Variants in CTNNA2 observed in about 807,000 individuals in gnomAD.
CTNNA2 encodes catenin alpha 2.
CTNNA2 carries 42 observed loss-of-function variants against 101.0 expected under a neutral mutation model. The ratio of observed to expected loss-of-function variants is 0.42; its 90% confidence interval spans 0.32 to 0.54. CTNNA2 has a LOEUF of 0.54. Among genes scored for constraint, CTNNA2 ranks in the 20% least tolerant of loss-of-function variants. The pLI, the probability that CTNNA2 is intolerant of heterozygous loss-of-function variation, is 0.14. For synonymous variants in CTNNA2, 450 were observed against 456.4 expected, an observed-to-expected ratio of 0.99 and a Z score of 0.18; for missense variants, 871 against 1,223.1, an observed-to-expected ratio of 0.71 and a Z score of 4.29.
chr2:79,290,160 A>G (rs891136377), intron 2 of CTNNA2, among the ~76,000 whole-genome samples: 9 of 152,142 alleles, frequency 5.9e-5, no homozygotes, highest in Admixed American at 3.9e-4. Flanking sequence ...CTGAACATAG[A>G]GTCTTTTAAG....
chr2:80,356,083 C>T (rs1303289116), intron 7 of CTNNA2, among the ~76,000 whole-genome samples: 1 of 152,038 alleles, frequency 6.6e-6, no homozygotes, highest in Non-Finnish European at 1.5e-5. Context: ...TTTTGTTTCA[C>T]TTTGTTTCTT....
At chr2:80,465,330 T>C (rs1194589639) in intron 9 of CTNNA2, among the ~76,000 whole-genome samples, 2 of 152,246 alleles carry the variant, frequency 1.3e-5, no homozygotes, top group Non-Finnish European at 2.9e-5. Context: ...TTATGAATTA[T>C]ATTTATTCCA....
intron 18 of CTNNA2, among the ~76,000 whole-genome samples, chr2:80,635,756 T>A (rs1409692361): frequency 6.6e-6 from 1 of 151,592 alleles, no homozygotes; most frequent in Non-Finnish European, 1.5e-5. Flanking sequence ...CTCTCATCAA[T>A]TGCTAGTGTT....
intron 17 of CTNNA2, among the ~76,000 whole-genome samples, chr2:80,613,351 C>A (rs1025733308): frequency 4.0e-5 from 6 of 151,302 alleles, no homozygotes; most frequent in South Asian, 2.1e-4. Context: ...ACATTCATTC[C>A]CCCAGAGTGT....
chr2:79,658,340 G>C (rs1055553691), intron 2 of CTNNA2, among the ~76,000 whole-genome samples: 11 of 151,884 alleles, frequency 7.2e-5, no homozygotes, highest in African/African-American at 2.7e-4. Flanking sequence ...GAAAGGACAA[G>C]TGAGATGGTT....
chr2:80,528,150 G>A (rs959510133), intron 9 of CTNNA2, among the ~76,000 whole-genome samples: 1 of 152,130 alleles, frequency 6.6e-6, no homozygotes, highest in South Asian at 2.1e-4. Flanking sequence ...GAGTTTGTTT[G>A]GAATAGATCA....
intron 15 of CTNNA2, among the ~76,000 whole-genome samples, chr2:80,600,950 C>G (rs1697442135): frequency 6.6e-6 from 1 of 152,122 alleles, no homozygotes; most frequent in Non-Finnish European, 1.5e-5. Flanking sequence ...GTCCCAATAC[C>G]TTTATTCTCG....
At chr2:79,851,033 C>T (rs756434683) in intron 3 of CTNNA2, among the ~76,000 whole-genome samples, 1 of 152,224 alleles carries the variant, frequency 6.6e-6, no homozygotes, top group Non-Finnish European at 1.5e-5. Flanking sequence ...CAGAGGCCCT[C>T]AGCCACATCA....
intron 15 of CTNNA2, 141 bp downstream of exon 15, chr2:80,589,626 C>G: frequency 1.4e-6 from 1 of 726,438 alleles, no homozygotes; most frequent in Non-Finnish European, 2.2e-6. Context: ...ATGTATAAGT[C>G]AAAATGATCT....
intron 7 of CTNNA2, among the ~76,000 whole-genome samples, chr2:79,950,414 C>T (rs1688799808): frequency 6.6e-6 from 1 of 152,158 alleles, no homozygotes; most frequent in Non-Finnish European, 1.5e-5. Flanking sequence ...ACTTAAAATC[C>T]AATCAGGCCA....
At chr2:79,325,993 C>A (rs1434172) in intron 3 of CTNNA2, among the ~76,000 whole-genome samples, 54,473 of 151,976 alleles carry the variant, frequency 0.36, 10,311 homozygotes, top group African/African-American at 0.49. Flanking sequence ...TCAGTGTATG[C>A]CTAGAGGTGG....
At chr2:79,343,117 T>C (rs1318769716) in intron 3 of CTNNA2, among the ~76,000 whole-genome samples, 1 of 152,214 alleles carries the variant, frequency 6.6e-6, no homozygotes, top group African/African-American at 2.4e-5. Context: ...TTGATGTTTT[T>C]AAAATACCAT....
intron 1 of CTNNA2, chr2:79,633,716 T>A (rs2104373986): frequency 6.6e-6 from 1 of 152,386 alleles, no homozygotes; most frequent in African/African-American, 2.4e-5. Flanking sequence ...AGGAAGCGTT[T>A]CATTCCACCT....
At chr2:79,936,541 C>T (rs1475685942) in intron 7 of CTNNA2, among the ~76,000 whole-genome samples, 6 of 91,068 alleles carry the variant, frequency 6.6e-5, no homozygotes, top group Admixed American at 1.1e-4. Flanking sequence ...AAACTCCAAG[C>T]GTCCTTTTTT....
At chr2:80,471,187 G>A (rs1261005765) in intron 9 of CTNNA2, among the ~76,000 whole-genome samples, 1 of 152,172 alleles carries the variant, frequency 6.6e-6, no homozygotes, top group Non-Finnish European at 1.5e-5. Context: ...AGAAATCTTT[G>A]GAAGAACGGA....
intron 4 of CTNNA2, among the ~76,000 whole-genome samples, chr2:79,428,132 A>G (rs1276306980): frequency 1.3e-5 from 2 of 151,940 alleles, no homozygotes; most frequent in Non-Finnish European, 2.9e-5. Context: ...TCAAAACACC[A>G]AGGACCATTT....
chr2:80,148,975 TAAA>T (rs895494953), intron 7 of CTNNA2, among the ~76,000 whole-genome samples: 120 of 151,186 alleles, frequency 7.9e-4, no homozygotes, highest in African/African-American at 2.6e-3. Flanking sequence ...TTTACCAAAT[TAAA>T]AAAACAAAAC....
In CTNNA2 at chr2:79,298,595, A is replaced by G. The variant is rs551333119; in HGVS notation, c.-405-14114A>G. Among the ~76,000 whole-genome samples, 169 of 152,154 alleles carry G rather than the reference A, an allele frequency of 1.1e-3. 1 individual carries two copies. Among genetic ancestry groups the G allele is most frequent in the African/African-American group, 3.9e-3 (161 of 41,524 alleles). On this transcript the variant is annotated intron_variant, in intron 2 of 21. Coordinates refer to the CTNNA2 transcript ENST00000466387. ...CTGCTCTTCTTTAATTAAATTCCCA[A>G]TTCCACATTCCTTAAGTTCTTTCCT...
At chr2:79,488,331 A>C (rs1386783482) in intron 4 of CTNNA2, among the ~76,000 whole-genome samples, 1 of 67,752 alleles carries the variant, frequency 1.5e-5, no homozygotes, top group East Asian at 2.9e-4. Flanking sequence ...AAAAAAAAAA[A>C]AAAAAAAAAA....
Sources: allele counts gnomAD v4.1 joint callset (sites outside exome capture counted in the v4.1 genomes callset), GRCh38; gene constraint gnomAD v4.1.1; transcripts MANE v1.5; gene names NCBI Gene and HGNC (gene_info 2026-07-23, HGNC 2026-07-21).